The following GABRA5 variants were observed in gnomAD, a reference collection of about 807,000 sequenced individuals.
The protein encoded by GABRA5 is gamma-aminobutyric acid type A receptor subunit alpha5, also known as gamma-aminobutyric acid receptor subunit alpha-5.
GABRA5 carries 18 observed loss-of-function variants against 47.3 expected under a neutral mutation model. The ratio of observed to expected loss-of-function variants is 0.38; its 90% CI spans 0.26 to 0.56. The LOEUF (loss-of-function observed/expected upper bound fraction) is 0.56, where lower values mean the gene tolerates loss of function less well. Ranked by LOEUF, GABRA5 falls within the 20% of genes least tolerant of loss-of-function variation. The pLI is 0.71. For missense variants in GABRA5, 365 were observed against 599.3 expected (o/e 0.61, Z 4.08); for synonymous variants, 237 against 229.3 (o/e 1.03, Z -0.30).
intron 6 of GABRA5, among the ~76,000 whole-genome samples, chr15:26,913,904 A>C (rs916990783): frequency 6.6e-6 from 1 of 152,008 alleles, no homozygotes; most frequent in Admixed American, 6.6e-5. Flanking sequence ...TGTTATTGTC[A>C]TGGCTCCACC....
rs1892408702 is a variant in GABRA5 at position 26,869,431 on chromosome 15, C to G, written c.86+97C>G. The G allele has an allele frequency of 7.7e-6, 6 of 777,074 alleles. No individual in the cohort carries two copies. The South Asian group carries it at 8.5e-5, about 11-fold the overall frequency. 48.1% of individuals were successfully genotyped at this position (777,074 alleles called of 1,614,324 possible). On this transcript the variant is annotated intron_variant, in intron 3 of 10. Coordinates refer to ENST00000335625, the MANE Select transcript of GABRA5 (RefSeq NM_000810.4). ...AGCACATCCATTGAGCAAGTCCTCGCCTGCCACCATTGCAGTCCCAAGCCC... is the reference window on the plus strand; with the variant it reads ...AGCACATCCATTGAGCAAGTCCTCGGCTGCCACCATTGCAGTCCCAAGCCC...
chr15:26,871,194 AAAAACAAAAC>A (rs544445949), intron 3 of GABRA5, among the ~76,000 whole-genome samples: 15 of 152,334 alleles, frequency 9.8e-5, no homozygotes, highest in South Asian at 6.2e-4. Flanking sequence ...ACTTTGTCTC[AAAAACAAAAC>A]AAAACAAAAC....
intron 6 of GABRA5, among the ~76,000 whole-genome samples, chr15:26,891,678 A>G (rs1893009769): frequency 6.6e-6 from 1 of 152,170 alleles, no homozygotes; most frequent in South Asian, 2.1e-4. Context: ...GCCTCTTGGC[A>G]GGTCTGCGCG....
Position 26,883,663 on chromosome 15 carries a change from C to A in GABRA5, c.497+106C>A. 1 of 895,132 alleles carries A rather than the reference C, an allele frequency of 1.1e-6. No homozygotes were observed. Among genetic ancestry groups the A allele is most frequent in the South Asian group, 1.8e-5 (1 of 56,100 alleles). The allele number at this position is 895,132 out of a possible 1,614,324, so 55.4% of individuals were successfully genotyped here. On this transcript the variant is annotated intron_variant, in intron 6 of 10. Transcript: ENST00000335625. The surrounding 1 kb of genome is among the most constrained non-coding windows in gnomAD (Gnocchi z 4.8). ...CCGCGGAGCTGTTCTGACCATAGGTCTGAGACTGCGGCGCGTGTGTGCTGG... is the reference window on the plus strand; with the variant it reads ...CCGCGGAGCTGTTCTGACCATAGGTATGAGACTGCGGCGCGTGTGTGCTGG...
At chr15:26,920,282 C>T (rs773844572) in intron 7 of GABRA5, among the ~76,000 whole-genome samples, 2 of 151,742 alleles carry the variant, frequency 1.3e-5, no homozygotes, top group Non-Finnish European at 2.9e-5. Context: ...GTCTCTTAAG[C>T]TTTCTTTTCT....
At chr15:26,893,102 ATG>A (rs1216998685) in intron 6 of GABRA5, among the ~76,000 whole-genome samples, 1 of 135,380 alleles carries the variant, frequency 7.4e-6, no homozygotes, top group South Asian at 2.5e-4. Flanking sequence ...GGTGTGTGGC[ATG>A]TGTGTGTCTA....
intron 7 of GABRA5, among the ~76,000 whole-genome samples, chr15:26,919,991 A>G (rs916779673): frequency 6.6e-6 from 1 of 151,852 alleles, no homozygotes; most frequent in Non-Finnish European, 1.5e-5. Context: ...TGACATGACT[A>G]TTTATAACAA....
At chr15:26,912,747 A>T (rs1428427850) in intron 6 of GABRA5, among the ~76,000 whole-genome samples, 1 of 152,230 alleles carries the variant, frequency 6.6e-6, no homozygotes, top group African/African-American at 2.4e-5. Context: ...AACAAGACTG[A>T]CTTTTATATA....
At chr15:26,934,843 G>A (rs553343406) in intron 7 of GABRA5, among the ~76,000 whole-genome samples, 1 of 152,318 alleles carries the variant, frequency 6.6e-6, no homozygotes, top group Admixed American at 6.5e-5. Flanking sequence ...GATTTGCAAG[G>A]CTAGGAGAGG....
intron 7 of GABRA5, among the ~76,000 whole-genome samples, chr15:26,916,852 T>C (rs1893727363): frequency 6.6e-6 from 1 of 152,098 alleles, no homozygotes; most frequent in Non-Finnish European, 1.5e-5. Flanking sequence ...GGATTGTTTT[T>C]CTAATTTCTT....
At chr15:26,932,321 A>G (rs1485040859) in intron 7 of GABRA5, among the ~76,000 whole-genome samples, 3 of 152,188 alleles carry the variant, frequency 2.0e-5, no homozygotes, top group Non-Finnish European at 4.4e-5. Flanking sequence ...TGAACAGACA[A>G]TTCTCAAAAG....
At chr15:26,876,783 A>G (rs1372131717) in intron 3 of GABRA5, among the ~76,000 whole-genome samples, 1 of 152,132 alleles carries the variant, frequency 6.6e-6, no homozygotes, top group Non-Finnish European at 1.5e-5. Context: ...GAGCGGTGGT[A>G]TTAGAGCGGA....
intron 7 of GABRA5, among the ~76,000 whole-genome samples, chr15:26,920,823 A>G (rs1253954403): frequency 6.6e-6 from 1 of 152,164 alleles, no homozygotes; most frequent in Admixed American, 6.5e-5. Context: ...GCTCCTAGGC[A>G]TCTAGGGTCT....
intron 8 of GABRA5, chr15:26,939,657 A>C (rs1332975058): frequency 1.7e-6 from 1 of 597,674 alleles, no homozygotes; most frequent in Non-Finnish European, 3.0e-6. Flanking sequence ...TTGTGACTGG[A>C]GATTAGTAAA....
chr15:26,919,046 G>A (rs769380021), intron 7 of GABRA5, among the ~76,000 whole-genome samples: 15 of 152,102 alleles, frequency 9.9e-5, no homozygotes, highest in Admixed American at 2.0e-4. Flanking sequence ...GGGAGGATGA[G>A]GCAGAAGGAT....
intron 7 of GABRA5, among the ~76,000 whole-genome samples, chr15:26,916,141 C>T (rs2140295984): frequency 6.6e-6 from 1 of 152,132 alleles, no homozygotes; most frequent in Admixed American, 6.5e-5. Flanking sequence ...TTTCCTGTTT[C>T]ATTATATATC....
intron 7 of GABRA5, among the ~76,000 whole-genome samples, chr15:26,928,586 C>T (rs1236460759): frequency 6.6e-6 from 1 of 152,058 alleles, no homozygotes; most frequent in East Asian, 1.9e-4. Context: ...GGGATTAGTG[C>T]TCCTATAAAA....
At position 26,867,559 on chromosome 15, in the gene GABRA5, A is replaced by C. The variant is rs1481462795; in HGVS notation, c.-140+448A>C. ...GGGGCGCGCAGCCAGGCCAGAGCGCAAACTTTACCCTGGCGACTGCGGGGC... is the reference window on the plus strand; with the variant it reads ...GGGGCGCGCAGCCAGGCCAGAGCGCCAACTTTACCCTGGCGACTGCGGGGC... On this transcript the variant is annotated intron_variant, in intron 1 of 10. Transcript: ENST00000335625. This position sits in a 1 kb window ranked among gnomAD's most constrained non-coding sequence, Gnocchi z 5.9. 1 of 152,524 alleles carries C rather than the reference A, an allele frequency of 6.6e-6. No homozygotes were observed. Among genetic ancestry groups the C allele is most frequent in the African/African-American group, 2.4e-5 (1 of 41,346 alleles). 9.4% of individuals were successfully genotyped at this position (152,524 alleles called of 1,614,324 possible).
chr15:26,925,423 A>C (rs1395973166), intron 7 of GABRA5, among the ~76,000 whole-genome samples: 1 of 152,218 alleles, frequency 6.6e-6, no homozygotes, highest in Non-Finnish European at 1.5e-5. Context: ...AAGCCTAAAC[A>C]ATAAATTCAT....
Sources: allele counts gnomAD v4.1 joint callset (sites outside exome capture counted in the v4.1 genomes callset), GRCh38; gene constraint gnomAD v4.1.1; non-coding constraint Gnocchi (gnomAD v3.1); transcripts MANE v1.5; gene names NCBI Gene and HGNC (gene_info 2026-07-23, HGNC 2026-07-21).